Variants in NOS1 observed in about 807,000 individuals in gnomAD.
The protein encoded by NOS1 is nitric oxide synthase 1, also known as NOS type I.
In NOS1, 51 loss-of-function variants were observed where a neutral mutation model predicts 164.5. The ratio of observed to expected loss-of-function variants is 0.31; its 90% CI spans 0.25 to 0.39. The LOEUF is 0.39. Ranked by LOEUF, NOS1 falls within the 10% of genes least tolerant of loss-of-function variation. NOS1 has a pLI of 1.00. For missense variants in NOS1, 1,362 were observed against 1,885.6 expected (o/e 0.72, Z 5.14); for synonymous variants, 719 against 745.8 (o/e 0.96, Z 0.59).
At chr12:117,216,479 G>A (rs1956613121) in intron 28 of NOS1, among the ~76,000 whole-genome samples, 2 of 151,888 alleles carry the variant, frequency 1.3e-5, no homozygotes. Flanking sequence ...ATCGCGCCCG[G>A]CCTTTTTTTT....
chr12:117,243,940 T>C lies in NOS1; in HGVS notation c.2824-505A>G, dbSNP rs901780617. Among the ~76,000 whole-genome samples, 6 of 152,206 alleles carry C rather than the reference T, an allele frequency of 3.9e-5. No homozygotes were observed. The highest frequency in any genetic ancestry group is 3.9e-4 in the Admixed American group (6 of 15,278). On this transcript the variant is annotated intron_variant, in intron 18 of 28. Transcript: ENST00000317775. This position sits in a 1 kb window ranked among gnomAD's most constrained non-coding sequence, Gnocchi z 4.3. ...TTCATCTATCCATCCATCCATCCTA[T>C]ATATTTTGAGTGTCTGCGATGTGCT... is the stretch of plus-strand genomic sequence containing the variant.
intron 1 of NOS1, 116 bp downstream of exon 1, chr12:117,361,396 C>T (rs1877146670): frequency 7.3e-6 from 1 of 137,868 alleles, no homozygotes; most frequent in African/African-American, 2.6e-5. Context: ...CTCCTCCCTT[C>T]TCTTCTTCCC....
At chr12:117,291,330 GCCTTTGCACTTACCGT>G (rs1339660803) in intron 3 of NOS1, among the ~76,000 whole-genome samples, 1 of 152,014 alleles carries the variant, frequency 6.6e-6, no homozygotes, top group East Asian at 1.9e-4. Flanking sequence ...CTGCCTCAGG[GCCTTTGCACTTACCGT>G]CCCCTCTGTC....
chr12:117,329,296 GA>G (rs1875410622), intron 2 of NOS1, among the ~76,000 whole-genome samples: 1 of 152,190 alleles, frequency 6.6e-6, no homozygotes, highest in East Asian at 1.9e-4. Context: ...TTAAATGAGT[GA>G]ATGCAGGGGT....
rs1298711351 is a variant in NOS1 at position 117,359,360 on chromosome 12, T to A, written c.-421+2152A>T. Among the ~76,000 whole-genome samples the A allele has an allele frequency of 4.7e-5, 7 of 148,098 alleles. No individual in the cohort carries two copies. In the East Asian group the frequency reaches 1.4e-3, roughly 29 times the overall value. On this transcript the variant is annotated intron_variant, in intron 1 of 28. Coordinates refer to ENST00000317775, the MANE Select transcript of NOS1 (RefSeq NM_000620.5). The stretch of plus-strand genomic sequence containing the variant: ...GCCCTTTTCCTATTTTATCTTCAGT[T>A]CTGAAAAAATAACGGGGGAAAAAAT...
chr12:117,208,421 T>TGTGG lies in NOS1; in HGVS notation c.*6887_*6888insCCAC, dbSNP rs1455128139. 3 of 1,280,252 alleles carry TGTGG rather than the reference T, an allele frequency of 2.3e-6. No individual in the cohort carries two copies. The highest frequency in any genetic ancestry group is 3.0e-6 in the Non-Finnish European group (3 of 984,812). The allele number at this position is 1,280,252 out of a possible 1,614,324, so 79.3% of individuals were successfully genotyped here. A position where few individuals can be genotyped will look rare whatever the true frequency, so the allele number is the denominator to read the frequency against. ...GTGTGTGTGTGTGTGTGTGTGTGTG[T>TGTGG]GGTGAGATGCGACCAGGTCTGCCCA... On this transcript the variant is annotated 3_prime_UTR_variant, in exon 29 of 29. Transcript: ENST00000317775.
chr12:117,314,910 G>A (rs1296151038), intron 2 of NOS1, among the ~76,000 whole-genome samples: 1 of 152,136 alleles, frequency 6.6e-6, no homozygotes, highest in Non-Finnish European at 1.5e-5. Context: ...TTAAAACAGA[G>A]GTAGGAAAAA....
At chr12:117,247,099 G>C (rs973766053) in intron 18 of NOS1, among the ~76,000 whole-genome samples, 3 of 152,134 alleles carry the variant, frequency 2.0e-5, no homozygotes, top group African/African-American at 4.8e-5. Context: ...GACATTCCAA[G>C]ACTCTATATA....
intron 20 of NOS1, among the ~76,000 whole-genome samples, chr12:117,238,435 C>T (rs1446295380): frequency 6.6e-6 from 1 of 152,182 alleles, no homozygotes; most frequent in African/African-American, 2.4e-5. Context: ...TCTATAAACC[C>T]CCCTGCATTT....
chr12:117,300,865 C>A (rs186551737), intron 3 of NOS1, among the ~76,000 whole-genome samples: 1 of 152,184 alleles, frequency 6.6e-6, no homozygotes, highest in Non-Finnish European at 1.5e-5. Context: ...TCGAGAGAGA[C>A]TTAGGGAAAG....
chr12:117,270,982 G>A (rs1240584604), intron 10 of NOS1, among the ~76,000 whole-genome samples: 1 of 152,190 alleles, frequency 6.6e-6, no homozygotes, highest in Non-Finnish European at 1.5e-5. Flanking sequence ...GGTGGAGGTT[G>A]CAGTGAGCCA....
chr12:117,230,763 C>T (rs754800527), intron 22 of NOS1, among the ~76,000 whole-genome samples: 1 of 152,198 alleles, frequency 6.6e-6, no homozygotes, highest in Non-Finnish European at 1.5e-5. Context: ...CTCTAATAGT[C>T]CCCCCTGCAG....
chr12:117,215,289 G>T lies in NOS1; in HGVS notation c.*20C>A. ...GTCCGCGCTTACAAAACTTGCAGCC[G>T]GCTGGGCAAGAGGGTCCAGTTAGGA... On this transcript the variant is annotated 3_prime_UTR_variant, in exon 29 of 29. Transcript: ENST00000317775. 6.5e-7 allele frequency: 1 copy of T among 1,548,608 alleles called. No homozygotes were observed. The highest frequency in any genetic ancestry group is 8.7e-7 in the Non-Finnish European group (1 of 1,146,942).
chr12:117,212,517 T>G lies in NOS1; in HGVS notation c.*2792A>C. On this transcript the variant is annotated 3_prime_UTR_variant, in exon 29 of 29. Coordinates refer to ENST00000317775, the MANE Select transcript of NOS1 (RefSeq NM_000620.5). ...ACACAAGCTGTGGGAACTGGATGCATAGTGATGGCAGGTGAGCATGATGTT... is the reference window on the plus strand; with the variant it reads ...ACACAAGCTGTGGGAACTGGATGCAGAGTGATGGCAGGTGAGCATGATGTT... 1 of 985,406 alleles carries G rather than the reference T, an allele frequency of 1.0e-6. No individual in the cohort carries two copies. Among genetic ancestry groups the G allele is most frequent in the African/African-American group, 1.7e-5 (1 of 57,350 alleles). The allele number at this position is 985,406 out of a possible 1,614,324, so 61.0% of individuals were successfully genotyped here. A position where few individuals can be genotyped will look rare whatever the true frequency, so the allele number is the denominator to read the frequency against.
At chr12:117,341,720 T>G (rs1200957274) in intron 1 of NOS1, among the ~76,000 whole-genome samples, 2 of 152,154 alleles carry the variant, frequency 1.3e-5, no homozygotes, top group Non-Finnish European at 2.9e-5. Context: ...AGGCATGAAT[T>G]TGGAGCTAGA....
intron 18 of NOS1, among the ~76,000 whole-genome samples, chr12:117,245,125 C>T (rs1228179134): frequency 6.6e-6 from 1 of 152,194 alleles, no homozygotes; most frequent in Non-Finnish European, 1.5e-5. Flanking sequence ...GGGGCCTCAG[C>T]TTCCCCATTT....
rs991935595 is a variant in NOS1, at chr12:117,345,118, G to A, written c.-420-13629C>T. ...ACAATCTCGGCTCACTGCAACCTCC[G>A]CCTCCTGGGTTCAAGCAATTCTCCT... On this transcript the variant is annotated intron_variant, in intron 1 of 28. Coordinates refer to ENST00000317775, the MANE Select transcript of NOS1 (RefSeq NM_000620.5). 4.8e-5 allele frequency among the ~76,000 whole-genome samples: 7 copies of A among 146,212 alleles called. No individual in the cohort carries two copies. The South Asian group carries it at 6.5e-4, about 13-fold the overall frequency.
chr12:117,277,919 AC>A (rs3215291), intron 9 of NOS1, 39 bp downstream of exon 9: 708,320 of 1,579,050 alleles, frequency 0.45, 160,931 homozygotes, highest in Admixed American at 0.59. Flanking sequence ...CACTGGGCAA[AC>A]CCACTCACCC....
rs544753467 is a variant in NOS1 at position 117,214,465 on chromosome 12, C to T, written c.*844G>A. On this transcript the variant is annotated 3_prime_UTR_variant, in exon 29 of 29. Transcript: ENST00000317775. ...ATGTGGCAAAGTCAAGTGATTCTAG[C>T]TGGTATGGGTGGGTTTGGGGAGGGG... is the stretch of plus-strand genomic sequence containing the variant. The T allele has an allele frequency of 7.1e-6, 7 of 984,616 alleles. No homozygotes were observed. The highest frequency in any genetic ancestry group is 1.2e-4 in the Admixed American group (2 of 16,216). 61.0% of individuals were successfully genotyped at this position (984,616 alleles called of 1,614,324 possible).
Sources: gnomAD v4.1 joint callset for allele counts (sites outside exome capture counted in the v4.1 genomes callset) on GRCh38, gnomAD v4.1.1 for gene constraint, Gnocchi (gnomAD v3.1) non-coding constraint, MANE v1.5 for transcripts, NCBI Gene and HGNC (gene_info 2026-07-23, HGNC 2026-07-21) for gene names.